Variants in CCDC60 observed in about 807,000 individuals in gnomAD.
The protein encoded by CCDC60 is coiled-coil domain-containing protein 60.
In CCDC60, 54 loss-of-function variants were observed where a neutral mutation model predicts 63.5. The ratio of observed to expected loss-of-function variants is 0.85; its 90% CI spans 0.68 to 1.07. The LOEUF is 1.07. Ranked by LOEUF, CCDC60 falls within the 50% of genes least tolerant of loss-of-function variation. CCDC60 has a pLI of 0.00. For synonymous variants in CCDC60, 206 were observed against 238.8 expected, an observed-to-expected ratio of 0.86 and a Z score of 1.27; for missense variants, 651 against 684.3, an observed-to-expected ratio of 0.95 and a Z score of 0.54.
At chr12:119,441,912 G>A (rs1950453688) in intron 2 of CCDC60, among the ~76,000 whole-genome samples, 1 of 152,086 alleles carries the variant, frequency 6.6e-6, no homozygotes, top group Admixed American at 6.5e-5. Flanking sequence ...ATACCTAAAA[G>A]TGAAATAATT....
intron 11 of CCDC60, among the ~76,000 whole-genome samples, chr12:119,526,388 G>A (rs1952677370): frequency 1.3e-5 from 2 of 152,118 alleles, no homozygotes; most frequent in South Asian, 4.2e-4. Context: ...AAAAGCAATT[G>A]CAACAAAAGC....
chr12:119,385,681 G>T (rs927383752), intron 1 of CCDC60, among the ~76,000 whole-genome samples: 1 of 152,222 alleles, frequency 6.6e-6, no homozygotes, highest in African/African-American at 2.4e-5. Flanking sequence ...AGGGCAGGGA[G>T]ATAGAAAGGT....
intron 13 of CCDC60, among the ~76,000 whole-genome samples, chr12:119,534,782 G>C (rs554797020): frequency 1.3e-5 from 2 of 152,298 alleles, no homozygotes; most frequent in African/African-American, 4.8e-5. Context: ...GATCGTGGTG[G>C]ATAAGCTTTT....
At chr12:119,421,783 G>C (rs57798035) in intron 1 of CCDC60, among the ~76,000 whole-genome samples, 1,777 of 152,260 alleles carry the variant, frequency 0.012, 37 homozygotes, top group African/African-American at 0.04. Flanking sequence ...CTCAAACCTA[G>C]GTCTTTCTGA....
chr12:119,400,083 T>G (rs1225764683), intron 1 of CCDC60, among the ~76,000 whole-genome samples: 2 of 139,948 alleles, frequency 1.4e-5, no homozygotes, highest in African/African-American at 5.4e-5. Context: ...GGAGTCTCAC[T>G]CTGTCGCCCA....
intron 2 of CCDC60, among the ~76,000 whole-genome samples, chr12:119,448,919 C>T (rs557982177): frequency 1.1e-4 from 17 of 152,278 alleles, no homozygotes; most frequent in African/African-American, 3.6e-4. Context: ...GTTACACAAA[C>T]GCTGACTCAC....
rs1952359358 is a variant in CCDC60, at chr12:119,516,555, C to A, written c.884-68C>A. The A allele has an allele frequency of 3.6e-6, 4 of 1,120,470 alleles. No individual in the cohort carries two copies. In the African/African-American group the frequency reaches 6.2e-5, roughly 17 times the overall value. The allele number at this position is 1,120,470 out of a possible 1,614,324, so 69.4% of individuals were successfully genotyped here. ...GGTGACCCCAGTTTGGGGGGCTGCACCCTGTTCTGCACAATCCTGTCTCAG... is the reference window on the plus strand; with the variant it reads ...GGTGACCCCAGTTTGGGGGGCTGCAACCTGTTCTGCACAATCCTGTCTCAG... On this transcript the variant is annotated intron_variant, in intron 7 of 13. Transcript: ENST00000327554.
At chr12:119,488,668 G>C in intron 4 of CCDC60, 91 bp from the exon 5 acceptor site, 1 of 1,075,900 alleles carries the variant, frequency 9.3e-7, no homozygotes, top group South Asian at 1.3e-5. Context: ...CCCTCACTGG[G>C]AGCAAGTACC....
At chr12:119,525,653 A>T (rs1952660502) in intron 11 of CCDC60, among the ~76,000 whole-genome samples, 2 of 152,214 alleles carry the variant, frequency 1.3e-5, no homozygotes, top group Non-Finnish European at 2.9e-5. Flanking sequence ...AGGAGCACTA[A>T]ATATAGAAAG....
At chr12:119,516,496 A>ATC in intron 7 of CCDC60, 127 bp from the exon 8 acceptor site, 1 of 632,486 alleles carries the variant, frequency 1.6e-6, no homozygotes, top group Non-Finnish European at 2.8e-6. Context: ...CCCCAGTGGA[A>ATC]TCTCTCTCCA....
At chr12:119,402,554 C>G (rs4462404) in intron 1 of CCDC60, 21,448 of 152,144 alleles carry the variant, frequency 0.14, 2,211 homozygotes, top group East Asian at 0.57. Context: ...GTTTTCTCAT[C>G]TGTAAAATGG....
intron 4 of CCDC60, among the ~76,000 whole-genome samples, chr12:119,481,541 G>A (rs907062115): frequency 2.6e-5 from 4 of 152,114 alleles, no homozygotes. Flanking sequence ...AATGTCAGAT[G>A]GGAAAACTAA....
intron 1 of CCDC60, among the ~76,000 whole-genome samples, chr12:119,385,245 T>A (rs1956048522): frequency 6.6e-6 from 1 of 152,146 alleles, no homozygotes; most frequent in South Asian, 2.1e-4. Context: ...CTTAATGACC[T>A]CCCTTGCTCT....
chr12:119,469,385 C>T (rs569396020), intron 2 of CCDC60, among the ~76,000 whole-genome samples: 5 of 152,188 alleles, frequency 3.3e-5, no homozygotes, highest in Admixed American at 6.5e-5. Flanking sequence ...CTCAGCCTCC[C>T]GAGTAGCTGG....
At chr12:119,363,590 A>G (rs1380657964) in intron 1 of CCDC60, among the ~76,000 whole-genome samples, 2 of 152,182 alleles carry the variant, frequency 1.3e-5, no homozygotes, top group African/African-American at 4.8e-5. Context: ...AGACACAGCT[A>G]TTAATATTGC....
At position 119,500,108 on chromosome 12, in the gene CCDC60, A is replaced by C; in HGVS notation, c.588A>C (p.Lys196Asn). 6.2e-7 allele frequency: 1 copy of C among 1,612,352 alleles called. No homozygotes were observed. The highest frequency in any genetic ancestry group is 8.5e-7 in the Non-Finnish European group (1 of 1,179,556). Residue 196 changes from lysine to asparagine, a missense_variant, in exon 6 of 14, where the codon AAA (lysine) becomes AAC (asparagine). Transcript: ENST00000327554. ...KDPGGSKSTI[K>N]KINKDKSMGQ... ...CGGGTGGAAGCAAGAGCACCATTAA[A>C]AAAATCAATAAGGACAAGTCCATGG... is the stretch of plus-strand genomic sequence containing the variant.
chr12:119,425,696 A>G lies in CCDC60; in HGVS notation c.91-2987A>G, dbSNP rs77741629. On this transcript the variant is annotated intron_variant, in intron 1 of 13. Transcript: ENST00000327554. The stretch of plus-strand genomic sequence containing the variant: ...CATGGGCACGAAATGGCTGCAAGCA[A>G]CTCGCAGGGGCTCTCTGCTTCCCCA... 5.9e-3 allele frequency among the ~76,000 whole-genome samples: 892 copies of G among 152,250 alleles called. 7 individuals carry two copies. The highest frequency in any genetic ancestry group is 0.021 in the African/African-American group (859 of 41,552).
At chr12:119,521,648 G>T (rs941898301) in intron 9 of CCDC60, among the ~76,000 whole-genome samples, 5 of 152,124 alleles carry the variant, frequency 3.3e-5, no homozygotes, top group Non-Finnish European at 5.9e-5. Flanking sequence ...AGGGCCAGGT[G>T]GGGGGCACAG....
At chr12:119,500,190 A>C in intron 6 of CCDC60, 22 bp downstream of exon 6, 36 of 1,509,400 alleles carry the variant, frequency 2.4e-5, no homozygotes, top group Non-Finnish European at 2.9e-5. Flanking sequence ...CACGCGACTC[A>C]ACCCTTTGGC....
Sources: gnomAD v4.1 joint callset for allele counts (sites outside exome capture counted in the v4.1 genomes callset) on GRCh38, gnomAD v4.1.1 for gene constraint, MANE v1.5 for transcripts, NCBI Gene and HGNC (gene_info 2026-07-23, HGNC 2026-07-21) for gene names.